The following CDC14A variants were observed in gnomAD, a reference collection of about 807,000 sequenced individuals.
CDC14A encodes the protein cell division cycle 14A, also known as dual specificity protein phosphatase CDC14A.
Under a neutral mutation model 74.4 loss-of-function variants are expected in CDC14A, and 53 were observed. The ratio of observed to expected loss-of-function variants is 0.71; its 90% confidence interval spans 0.57 to 0.89. The LOEUF (loss-of-function observed/expected upper bound fraction) is 0.89, where lower values mean the gene tolerates loss of function less well. CDC14A is among the 40% of genes least tolerant of loss of function. The pLI is 0.00. For synonymous variants in CDC14A, 247 were observed against 258.4 expected, an observed-to-expected ratio of 0.96 and a Z score of 0.43; for missense variants, 646 against 713.7, an observed-to-expected ratio of 0.91 and a Z score of 1.08.
intron 15 of CDC14A, among the ~76,000 whole-genome samples, chr1:100,500,305 A>G (rs1347295752): frequency 1.3e-5 from 2 of 152,096 alleles, no homozygotes; most frequent in African/African-American, 4.8e-5. Context: ...TTCTTGAAAC[A>G]TTTCCTCAGC....
At chr1:100,445,837 T>A (rs1486074409) in intron 7 of CDC14A, among the ~76,000 whole-genome samples, 1 of 152,218 alleles carries the variant, frequency 6.6e-6, no homozygotes, top group African/African-American at 2.4e-5. Context: ...TCAAACAACT[T>A]CTTTTTTTTG....
rs570918175 is a variant in CDC14A at position 100,387,850 on chromosome 1, G to T, written c.217-2882G>T. 1.8e-3 allele frequency among the ~76,000 whole-genome samples: 276 copies of T among 152,130 alleles called. 1 individual carries two copies. The highest frequency in any genetic ancestry group is 6.3e-3 in the African/African-American group (262 of 41,482). ...AAAACGAAACCAAGTAAACACAAAAGATTCTACTCCCCCCAACCCCCTCCA... is the reference window on the plus strand; with the variant it reads ...AAAACGAAACCAAGTAAACACAAAATATTCTACTCCCCCCAACCCCCTCCA... On this transcript the variant is annotated intron_variant, in intron 3 of 15. Transcript: ENST00000336454.
At chr1:100,463,970 G>C (rs1012915764) in intron 9 of CDC14A, among the ~76,000 whole-genome samples, 6 of 152,132 alleles carry the variant, frequency 3.9e-5, no homozygotes, top group African/African-American at 7.2e-5. Flanking sequence ...TCATCTAGTA[G>C]GTGTTGGGGA....
intron 10 of CDC14A, among the ~76,000 whole-genome samples, chr1:100,478,728 C>T (rs1200758644): frequency 6.6e-6 from 1 of 152,152 alleles, no homozygotes; most frequent in Non-Finnish European, 1.5e-5. Context: ...AACTCTTTTT[C>T]ATTCTTAAAT....
In CDC14A at chr1:100,357,882, A is replaced by G. The variant is rs140730979; in HGVS notation, c.140+4030A>G. 8.2e-4 allele frequency among the ~76,000 whole-genome samples: 125 copies of G among 152,302 alleles called. 1 individual carries two copies. Among genetic ancestry groups the G allele is most frequent in the African/African-American group, 3.0e-3 (123 of 41,564 alleles). Reference sequence around the variant, plus strand: ...CTGGCCACAGCTGTGTTTTGCGCAGATGTTTCTTTAGTTATGAAAGGAGGA... The same window carrying G: ...CTGGCCACAGCTGTGTTTTGCGCAGGTGTTTCTTTAGTTATGAAAGGAGGA... On this transcript the variant is annotated intron_variant, in intron 2 of 15. Transcript: ENST00000336454.
chr1:100,507,670 C>T (rs1348132475), intron 15 of CDC14A, among the ~76,000 whole-genome samples: 1 of 151,788 alleles, frequency 6.6e-6, no homozygotes, highest in East Asian at 1.9e-4. Context: ...TTGCAATAGC[C>T]CCACAATTTT....
intron 2 of CDC14A, among the ~76,000 whole-genome samples, chr1:100,364,583 G>A (rs1361726639): frequency 6.6e-6 from 1 of 152,110 alleles, no homozygotes; most frequent in Non-Finnish European, 1.5e-5. Context: ...TGAAATCTGA[G>A]GGTTAGCCTT....
chr1:100,511,839 T>C (rs1207016200), intron 15 of CDC14A, among the ~76,000 whole-genome samples: 1 of 152,222 alleles, frequency 6.6e-6, no homozygotes, highest in Non-Finnish European at 1.5e-5. Flanking sequence ...CTCTATACTG[T>C]TGCCAGTGTT....
intron 4 of CDC14A, among the ~76,000 whole-genome samples, chr1:100,414,649 T>G (rs905421541): frequency 6.6e-6 from 1 of 152,182 alleles, no homozygotes; most frequent in Non-Finnish European, 1.5e-5. Context: ...GTTTTTAACA[T>G]GAAACCATTC....
At chr1:100,345,098 C>T (rs933476574) in exon 1 of CDC14A, 10 of 152,128 alleles carry the variant, frequency 6.6e-5, no homozygotes, top group African/African-American at 2.4e-4. Context: ...TAGAGACAGG[C>T]ATATCATCAC....
Position 100,516,721 on chromosome 1 carries a change from TG to T in CDC14A, c.1756-1528del, listed in dbSNP as rs1455282819. ...AGTGTGGTAGCTGGCGTCCCTCAAG[TG>T]GAATGTATATGGGCTTCAAGGCTTT... On this transcript the variant is annotated intron_variant, in intron 15 of 15. Transcript: ENST00000336454. Among the ~76,000 whole-genome samples the T allele has an allele frequency of 2.6e-5, 4 of 152,228 alleles. No individual in the cohort carries two copies. In the East Asian group the frequency reaches 7.7e-4, roughly 29 times the overall value.
Position 100,495,999 on chromosome 1 carries a change from C to A in CDC14A, c.1251-3C>A. 6.2e-7 allele frequency: 1 copy of A among 1,613,408 alleles called. No homozygotes were observed. The highest frequency in any genetic ancestry group is 8.5e-7 in the Non-Finnish European group (1 of 1,179,414). ...TGTGAGCATCTGTCTTTGATTTCCGCAGGTCAGATGATACAAAAGGACATC... is the reference window on the plus strand; with the variant it reads ...TGTGAGCATCTGTCTTTGATTTCCGAAGGTCAGATGATACAAAAGGACATC... On this transcript the variant is annotated splice_region_variant and splice_polypyrimidine_tract_variant and intron_variant, in intron 12 of 15. Coordinates refer to ENST00000336454, the MANE Select transcript of CDC14A (RefSeq NM_003672.4).
At chr1:100,405,334 C>G (rs1659803808) in intron 4 of CDC14A, among the ~76,000 whole-genome samples, 1 of 152,212 alleles carries the variant, frequency 6.6e-6, no homozygotes, top group African/African-American at 2.4e-5. Flanking sequence ...CACACTCGCC[C>G]TTGTAAGAAT....
chr1:100,478,628 A>G (rs538539082), intron 10 of CDC14A, among the ~76,000 whole-genome samples: 1 of 152,302 alleles, frequency 6.6e-6, no homozygotes, highest in South Asian at 2.1e-4. Flanking sequence ...CATAAAGCCT[A>G]AATCTGGCTC....
intron 15 of CDC14A, among the ~76,000 whole-genome samples, chr1:100,501,872 C>T (rs983799988): frequency 4.0e-5 from 6 of 150,428 alleles, no homozygotes; most frequent in Non-Finnish European, 8.9e-5. Flanking sequence ...TCATTTTAAA[C>T]AAAAAATTTA....
intron 2 of CDC14A, among the ~76,000 whole-genome samples, chr1:100,368,681 C>G (rs1320823649): frequency 1.3e-5 from 2 of 152,148 alleles, no homozygotes; most frequent in African/African-American, 4.8e-5. Context: ...ATAAATGATC[C>G]TGTCACCCAG....
At chr1:100,484,667 G>A (rs1669853357) in intron 11 of CDC14A, 1 of 1,142,458 alleles carries the variant, frequency 8.8e-7, no homozygotes, top group Admixed American at 4.7e-5. Context: ...AAATTATAAA[G>A]GAGGCTACTC....
At chr1:100,346,293 T>C (rs752023283) in intron 1 of CDC14A, among the ~76,000 whole-genome samples, 1 of 152,194 alleles carries the variant, frequency 6.6e-6, no homozygotes, top group Non-Finnish European at 1.5e-5. Flanking sequence ...GGGAATATTA[T>C]CTATTTTTGG....
At chr1:100,432,257 C>T (rs922671536) in intron 5 of CDC14A, among the ~76,000 whole-genome samples, 2 of 152,142 alleles carry the variant, frequency 1.3e-5, no homozygotes, top group African/African-American at 4.8e-5. Context: ...TAAGCTCTTT[C>T]TTTTATTGTA....
Sources: allele counts gnomAD v4.1 joint callset (sites outside exome capture counted in the v4.1 genomes callset), GRCh38; gene constraint gnomAD v4.1.1; transcripts MANE v1.5; gene names NCBI Gene and HGNC (gene_info 2026-07-23, HGNC 2026-07-21).